DPF3: variants seen among roughly 807,000 people sequenced by gnomAD.
DPF3 encodes the protein zinc finger protein DPF3.
Under a neutral mutation model 56.8 loss-of-function variants are expected in DPF3, and 18 were observed. That is an observed-to-expected ratio of 0.32 (90% CI 0.22 to 0.47). DPF3 has a LOEUF of 0.47. Ranked by LOEUF, DPF3 falls within the 20% of genes least tolerant of loss-of-function variation. DPF3 has a pLI of 1.00. For missense variants in DPF3, 403 were observed against 488.8 expected (o/e 0.82, Z 1.65); for synonymous variants, 188 against 180.2 (o/e 1.04, Z -0.35).
Position 72,611,145 on chromosome 14 carries a change from C to T in DPF3, c.*8152G>A, listed in dbSNP as rs1883698714. Among the ~76,000 whole-genome samples, 1 of 152,180 alleles carries T rather than the reference C, an allele frequency of 6.6e-6. No individual in the cohort carries two copies. Among genetic ancestry groups the T allele is most frequent in the Non-Finnish European group, 1.5e-5 (1 of 68,040 alleles). On this transcript the variant is annotated 3_prime_UTR_variant, in exon 11 of 11. Transcript: ENST00000556509. ...CCACAGAGAAGCTATAGCTCTGAGCCAACATCCACACATGGACAGATACAC... is the reference window on the plus strand; with the variant it reads ...CCACAGAGAAGCTATAGCTCTGAGCTAACATCCACACATGGACAGATACAC...
intron 3 of DPF3, among the ~76,000 whole-genome samples, chr14:72,750,446 A>C (rs1890516838): frequency 6.6e-6 from 1 of 152,234 alleles, no homozygotes; most frequent in Non-Finnish European, 1.5e-5. Flanking sequence ...CTAATAATTT[A>C]AAACATGTCA....
intron 4 of DPF3, among the ~76,000 whole-genome samples, chr14:72,728,588 C>G (rs1350096592): frequency 6.6e-6 from 1 of 152,108 alleles, no homozygotes; most frequent in East Asian, 1.9e-4. Context: ...AACAAAAGGA[C>G]AGCTAGCAAA....
intron 1 of DPF3, among the ~76,000 whole-genome samples, chr14:72,787,240 C>G (rs1398650423): frequency 6.6e-6 from 1 of 152,210 alleles, no homozygotes; most frequent in Non-Finnish European, 1.5e-5. Context: ...AAGCCCAGCC[C>G]ACAGCTATGC....
chr14:72,802,192 G>A (rs1215772074), intron 1 of DPF3, among the ~76,000 whole-genome samples: 1 of 152,146 alleles, frequency 6.6e-6, no homozygotes, highest in Non-Finnish European at 1.5e-5. Context: ...CGAGACAAAT[G>A]GGACTCCTGG....
At chr14:72,829,467 C>A (rs1300250309) in intron 1 of DPF3, among the ~76,000 whole-genome samples, 1 of 152,060 alleles carries the variant, frequency 6.6e-6, no homozygotes, top group Non-Finnish European at 1.5e-5. Context: ...TCACTGCAAC[C>A]TCTGCCTCCC....
At chr14:72,836,170 G>C (rs1884284988) in intron 1 of DPF3, 1 of 986,078 alleles carries the variant, frequency 1.0e-6, no homozygotes, top group African/African-American at 1.7e-5. Context: ...CTCAGAAGGG[G>C]TTGGAGCCTC....
At chr14:72,887,962 TAAC>T (rs1431887236) in intron 1 of DPF3, among the ~76,000 whole-genome samples, 3 of 151,964 alleles carry the variant, frequency 2.0e-5, no homozygotes, top group Admixed American at 1.3e-4. Flanking sequence ...TCAAGGTGAA[TAAC>T]AACAACTAAA....
chr14:72,871,514 A>T (rs1475606976), intron 1 of DPF3, among the ~76,000 whole-genome samples: 3 of 152,240 alleles, frequency 2.0e-5, no homozygotes, highest in Non-Finnish European at 2.9e-5. Context: ...GAAATCCAGC[A>T]AGGCAGTCAA....
intron 6 of DPF3, among the ~76,000 whole-genome samples, chr14:72,701,526 C>T (rs1405441677): frequency 1.3e-5 from 2 of 152,204 alleles, no homozygotes; most frequent in African/African-American, 2.4e-5. Context: ...TTCAAACCTA[C>T]CCCACTCCTA....
intron 4 of DPF3, among the ~76,000 whole-genome samples, chr14:72,725,719 A>T (rs919091286): frequency 6.6e-6 from 1 of 152,082 alleles, no homozygotes; most frequent in Non-Finnish European, 1.5e-5. Context: ...TCGCTGTTTA[A>T]GCCGCCTCCT....
intron 1 of DPF3, among the ~76,000 whole-genome samples, chr14:72,800,365 G>C (rs1892821529): frequency 1.4e-5 from 2 of 138,918 alleles, no homozygotes. Flanking sequence ...TTATTAGATG[G>C]ATAAATAGAT....
rs567937106 is a variant in DPF3, at chr14:72,703,003, C to A, written c.605-9790G>T. Among the ~76,000 whole-genome samples the A allele has an allele frequency of 5.9e-5, 9 of 152,300 alleles. No homozygotes were observed. The South Asian group carries it at 1.9e-3, about 32-fold the overall frequency. On this transcript the variant is annotated intron_variant, in intron 6 of 10. Transcript: ENST00000556509. ...TGGACAAATTCATACCTTTCTGGGT[C>A]TTGATTTTTCTTATCTGCAGAATAT... is the stretch of plus-strand genomic sequence containing the variant.
At chr14:72,706,405 C>T (rs1413989159) in intron 6 of DPF3, among the ~76,000 whole-genome samples, 1 of 152,202 alleles carries the variant, frequency 6.6e-6, no homozygotes, top group East Asian at 1.9e-4. Context: ...CAATATCAGC[C>T]TTTCTCCTTC....
chr14:72,803,604 T>G (rs55943517), intron 1 of DPF3, among the ~76,000 whole-genome samples: 19,389 of 152,214 alleles, frequency 0.13, 1,547 homozygotes, highest in Middle Eastern at 0.31. Context: ...TTGAAGATCT[T>G]TGACCTGCCT....
intron 3 of DPF3, among the ~76,000 whole-genome samples, chr14:72,738,538 G>T (rs1024421511): frequency 6.6e-6 from 1 of 152,036 alleles, no homozygotes; most frequent in Non-Finnish European, 1.5e-5. Flanking sequence ...CCACTGAGCT[G>T]CCAGCAGACC....
intron 1 of DPF3, among the ~76,000 whole-genome samples, chr14:72,820,433 T>C (rs1883481688): frequency 6.6e-6 from 1 of 152,182 alleles, no homozygotes; most frequent in African/African-American, 2.4e-5. Context: ...AGTTTTTTTG[T>C]TTTTGTTTTT....
intron 1 of DPF3, among the ~76,000 whole-genome samples, chr14:72,884,648 G>A (rs1023802359): frequency 9.2e-5 from 14 of 151,664 alleles, no homozygotes; most frequent in African/African-American, 3.4e-4. Flanking sequence ...TGTCATCACC[G>A]TGCTTCCACC....
chr14:72,836,520 G>A (rs1237617186), intron 1 of DPF3: 1 of 985,212 alleles, frequency 1.0e-6, no homozygotes, highest in African/African-American at 1.7e-5. Context: ...CACCTCGTGG[G>A]GAGATTATGA....
At chr14:72,786,310 G>A (rs571017204) in intron 1 of DPF3, among the ~76,000 whole-genome samples, 2 of 152,090 alleles carry the variant, frequency 1.3e-5, no homozygotes, top group East Asian at 1.9e-4. Context: ...GTGAGGTGAC[G>A]TCCTCGGGAC....
Sources: allele counts gnomAD v4.1 joint callset (sites outside exome capture counted in the v4.1 genomes callset), GRCh38; gene constraint gnomAD v4.1.1; transcripts MANE v1.5; gene names NCBI Gene and HGNC (gene_info 2026-07-23, HGNC 2026-07-21).